ZNF311: variants seen among roughly 807,000 people sequenced by gnomAD.
The protein encoded by ZNF311 is zinc finger protein 311.
Under a neutral mutation model 22.7 loss-of-function variants are expected in ZNF311, and 14 were observed. That is an observed-to-expected ratio of 0.62 (90% CI 0.41 to 0.96). The LOEUF is 0.96. Ranked by LOEUF, ZNF311 falls within the 40% of genes least tolerant of loss-of-function variation. The pLI is 0.00. For missense variants in ZNF311, 731 were observed against 799.0 expected (o/e 0.91, Z 1.03); for synonymous variants, 250 against 275.3 (o/e 0.91, Z 0.91).
At chr6:29,003,058 C>A (rs1331937324) in intron 3 of ZNF311, among the ~76,000 whole-genome samples, 1 of 152,164 alleles carries the variant, frequency 6.6e-6, no homozygotes, top group African/African-American at 2.4e-5. Flanking sequence ...ATCTATACAT[C>A]ATTTAAAAGT....
rs1780755616 is a variant in ZNF311, at chr6:29,003,605, A to G, written c.10-11T>C. On this transcript the variant is annotated splice_polypyrimidine_tract_variant and intron_variant, in intron 2 of 6. Transcript: ENST00000377179. ...ATCCAACAGCACAACCTATTGCAAG[A>G]CACAGAATGAATTCAGGAAAGTTAT... is the stretch of plus-strand genomic sequence containing the variant. 1 of 1,613,044 alleles carries G rather than the reference A, an allele frequency of 6.2e-7. No individual in the cohort carries two copies.
chr6:28,999,084 G>GTTT (rs77858810), intron 5 of ZNF311, among the ~76,000 whole-genome samples: 1 of 141,346 alleles, frequency 7.1e-6, no homozygotes. Flanking sequence ...GTGCTCTCCT[G>GTTT]TTTTTTTTTT....
At position 28,995,208 on chromosome 6, in the gene ZNF311, C is replaced by G; in HGVS notation, c.1794G>C (p.Leu598=). The change falls in exon 7 of 7, where the codon CTG becomes CTC. Residue 598 remains leucine, a synonymous_variant. Coordinates refer to ENST00000377179, the MANE Select transcript of ZNF311 (RefSeq NM_001382360.1). This position sits in a 1 kb window ranked among gnomAD's most constrained non-coding sequence, Gnocchi z 4.7. ...CGTSFRQGSA[L]IGHKRVHTGE... ...CAGTATGAACTCGCTTATGTCCAATCAGAGCTGAGCCCTGACGGAAGGACG... is the reference window on the plus strand; with the variant it reads ...CAGTATGAACTCGCTTATGTCCAATGAGAGCTGAGCCCTGACGGAAGGACG... 1.2e-6 allele frequency: 2 copies of G among 1,614,096 alleles called. No individual in the cohort carries two copies. Among genetic ancestry groups the G allele is most frequent in the Non-Finnish European group, 1.7e-6 (2 of 1,180,038 alleles).
intron 3 of ZNF311, among the ~76,000 whole-genome samples, chr6:29,002,148 G>GA (rs1780524989): frequency 6.6e-6 from 1 of 152,050 alleles, no homozygotes; most frequent in East Asian, 1.9e-4. Flanking sequence ...CAGGCTACAT[G>GA]AAAAAACAAC....
At chr6:29,003,452 C>T (rs1780728056) in intron 3 of ZNF311, 61 bp downstream of exon 3, 17 of 1,530,108 alleles carry the variant, frequency 1.1e-5, no homozygotes, top group South Asian at 1.0e-4. Context: ...TCCACCCACT[C>T]TGTGTCCTTA....
In ZNF311 at chr6:29,003,651, G is replaced by C; in HGVS notation, c.10-57C>G. ...GTTATGAAGGTGAGAAAAATACATAGGAAGATGCAAGCAACCATACAGGTC... is the reference window on the plus strand; with the variant it reads ...GTTATGAAGGTGAGAAAAATACATACGAAGATGCAAGCAACCATACAGGTC... On this transcript the variant is annotated intron_variant, in intron 2 of 6. Transcript: ENST00000377179. The C allele has an allele frequency of 2.5e-6, 4 of 1,584,738 alleles. No homozygotes were observed. The South Asian group carries it at 4.4e-5, about 18-fold the overall frequency.
At chr6:28,997,194 G>C (rs1190927467) in intron 6 of ZNF311, among the ~76,000 whole-genome samples, 1 of 152,204 alleles carries the variant, frequency 6.6e-6, no homozygotes, top group Non-Finnish European at 1.5e-5. Context: ...AGAACTAGTG[G>C]TGGTGGGATG....
At position 28,995,939 on chromosome 6, in the gene ZNF311, C is replaced by A. The variant is rs539866239; in HGVS notation, c.1063G>T (p.Gly355Trp). 12 of 1,613,768 alleles carry A rather than the reference C, an allele frequency of 7.4e-6. No homozygotes were observed. The highest frequency in any genetic ancestry group is 1.0e-5 in the Non-Finnish European group (12 of 1,180,038). The change falls in exon 7 of 7, where the codon GGG becomes TGG. Residue 355 changes from glycine (G) to tryptophan (W), a missense_variant. By Grantham distance (184) the Gly-to-Trp change is radical. Transcript: ENST00000377179. This position sits in a 1 kb window ranked among gnomAD's most constrained non-coding sequence, Gnocchi z 4.7. ...CAGTTACATTTGTAAGGCTTCTCCC[C>A]GGTGTGGATAAGCTGATGCATACAG... is the stretch of plus-strand genomic sequence containing the variant. Reference protein sequence around the residue: ...RLCMHQLIHTGEKPYKCNCCG... With the variant: ...RLCMHQLIHTWEKPYKCNCCG...
In ZNF311 at chr6:29,003,942, T is replaced by C. The variant is rs1279383020; in HGVS notation, c.9+4A>G. 1 of 1,612,796 alleles carries C rather than the reference T, an allele frequency of 6.2e-7. No individual in the cohort carries two copies. Among genetic ancestry groups the C allele is most frequent in the African/African-American group, 1.3e-5 (1 of 74,942 alleles). On this transcript the variant is annotated splice_donor_region_variant and intron_variant, in intron 2 of 6. Transcript: ENST00000377179. ...TGATGTATCACAGACCCTCCTCTTC[T>C]TACCTCCTGCATCTTTTTACTCAGG...
Position 28,999,530 on chromosome 6 carries a change from A to G in ZNF311, c.267T>C (p.Tyr89=). The change falls in exon 5 of 7, where the codon TAT becomes TAC. Residue 89 remains tyrosine, a synonymous_variant. Coordinates refer to ENST00000377179, the MANE Select transcript of ZNF311 (RefSeq NM_001382360.1). ...QCLTYAQRHL[Y]KDVMLENYGN... The stretch of plus-strand genomic sequence containing the variant: ...CATAATTTTCCAACATCACATCCTT[A>G]TAGAGATGCCTTTGAGCGTAGGTCA... 2 of 1,613,650 alleles carry G rather than the reference A, an allele frequency of 1.2e-6. No homozygotes were observed. Among genetic ancestry groups the G allele is most frequent in the Non-Finnish European group, 1.7e-6 (2 of 1,180,008 alleles).
At chr6:29,004,864 C>T (rs1215207892) in intron 1 of ZNF311, 144 bp downstream of exon 1, 1 of 152,238 alleles carries the variant, frequency 6.6e-6, no homozygotes, top group Non-Finnish European at 1.5e-5. Flanking sequence ...TTGGCTGCTC[C>T]CTTCACCTTA....
At chr6:29,003,453 T>C (rs1780728472) in intron 3 of ZNF311, 60 bp downstream of exon 3, 2 of 1,533,046 alleles carry the variant, frequency 1.3e-6, no homozygotes, top group African/African-American at 1.4e-5. Flanking sequence ...CCACCCACTC[T>C]GTGTCCTTAC....
Position 29,005,059 on chromosome 6 carries a change from G to A in ZNF311, c.-312C>T, listed in dbSNP as rs1401469366. On this transcript the variant is annotated 5_prime_UTR_variant, in exon 1 of 7. Coordinates refer to ENST00000377179, the MANE Select transcript of ZNF311 (RefSeq NM_001382360.1). ...CTCTATAGCACTTTATAATTTTCCAGTATGGTGCATAAGTTACTTATTAAT... is the reference window on the plus strand; with the variant it reads ...CTCTATAGCACTTTATAATTTTCCAATATGGTGCATAAGTTACTTATTAAT... 2 of 152,040 alleles carry A rather than the reference G, an allele frequency of 1.3e-5. No individual in the cohort carries two copies. Among genetic ancestry groups the A allele is most frequent in the Admixed American group, 6.6e-5 (1 of 15,258 alleles). The allele number at this position is 152,040 out of a possible 1,614,324, so 9.4% of individuals were successfully genotyped here.
Position 28,996,392 on chromosome 6 carries a change from TCA to T in ZNF311, c.608_609del (p.Leu203GlnfsTer8). ...TCCTCAGAGCCTTCTTTCTCTTCTC[TCA>T]GTTTCTCCCTTATAGATGTTTCCCA... ...NQWETSIREK[L>X]REEKEGSEEV... On this transcript the variant is annotated frameshift_variant, in exon 7 of 7. Coordinates refer to ENST00000377179, the MANE Select transcript of ZNF311 (RefSeq NM_001382360.1). LOFTEE classifies it low-confidence loss of function (END_TRUNC). The T allele has an allele frequency of 6.2e-7, 1 of 1,611,342 alleles. No homozygotes were observed. The highest frequency in any genetic ancestry group is 1.3e-5 in the African/African-American group (1 of 74,972).
chr6:29,004,052 T>C lies in ZNF311; in HGVS notation c.-98A>G. ...CAAACAAGCTGTGAAGTGGCTCCAG[T>C]TGATGCCAGCCTCCTTTGGAGAACA... On this transcript the variant is annotated 5_prime_UTR_variant, in exon 2 of 7. Coordinates refer to ENST00000377179, the MANE Select transcript of ZNF311 (RefSeq NM_001382360.1). The C allele has an allele frequency of 6.2e-7, 1 of 1,612,232 alleles. No homozygotes were observed. Among genetic ancestry groups the C allele is most frequent in the Admixed American group, 1.7e-5 (1 of 59,964 alleles).
chr6:29,004,678 G>T (rs1405146353), intron 1 of ZNF311, among the ~76,000 whole-genome samples: 1 of 152,102 alleles, frequency 6.6e-6, no homozygotes, highest in African/African-American at 2.4e-5. Context: ...AGGCCCTACT[G>T]AATGTGCCCG....
At position 28,996,311 on chromosome 6, in the gene ZNF311, T is replaced by C. The variant is rs553413861; in HGVS notation, c.691A>G (p.Asn231Asp). 36 of 1,612,950 alleles carry C rather than the reference T, an allele frequency of 2.2e-5. No individual in the cohort carries two copies. In the East Asian group the frequency reaches 6.9e-4, roughly 31 times the overall value. The change falls in exon 7 of 7, where the codon AAC becomes GAC. Residue 231 changes from asparagine (N) to aspartate (D), a missense_variant. Coordinates refer to ENST00000377179, the MANE Select transcript of ZNF311 (RefSeq NM_001382360.1). ...TTATTACATTGACTATGTTTTGAGT[T>C]TGGATTCAAGTTTTTACTAAGCACT... ...QKVLSKNLNPNSKHSQCNKVL... is the reference protein window; with the variant it reads ...QKVLSKNLNPDSKHSQCNKVL...
At position 28,995,801 on chromosome 6, in the gene ZNF311, C is replaced by A. The variant is rs914126552; in HGVS notation, c.1201G>T (p.Asp401Tyr). 8.7e-6 allele frequency: 14 copies of A among 1,613,772 alleles called. No homozygotes were observed. The highest frequency in any genetic ancestry group is 1.2e-5 in the Non-Finnish European group (14 of 1,179,980). The change falls in exon 7 of 7, where the codon GAC becomes TAC. Residue 401 changes from aspartate to tyrosine, a missense_variant. Asp to Tyr is a radical substitution (Grantham distance 160, BLOSUM62 -3). Coordinates refer to ENST00000377179, the MANE Select transcript of ZNF311 (RefSeq NM_001382360.1). This position sits in a 1 kb window ranked among gnomAD's most constrained non-coding sequence, Gnocchi z 4.7. ...ECGKAFSGSS[D>Y]LTKHIRIHTG... ...TGGATTCTTATGTGTTTGGTGAGGT[C>A]TGAACTCCCACTGAAGGCCTTCCCG...
At chr6:28,996,922 A>G (rs1779686473) in intron 6 of ZNF311, among the ~76,000 whole-genome samples, 1 of 152,174 alleles carries the variant, frequency 6.6e-6, no homozygotes. Context: ...TACAAATTCT[A>G]CCTGTGAAGA....
Sources: allele counts gnomAD v4.1 joint callset (sites outside exome capture counted in the v4.1 genomes callset), GRCh38; gene constraint gnomAD v4.1.1; non-coding constraint Gnocchi (gnomAD v3.1); transcripts MANE v1.5; gene names NCBI Gene and HGNC (gene_info 2026-07-23, HGNC 2026-07-21).